Variants in NAPG observed in about 807,000 individuals in gnomAD.
NAPG encodes the protein gamma-soluble NSF attachment protein.
Under a neutral mutation model 48.4 loss-of-function variants are expected in NAPG, and 25 were observed. The ratio of observed to expected loss-of-function variants is 0.52; its 90% CI spans 0.38 to 0.72. The LOEUF is 0.72. Among genes scored for constraint, NAPG ranks in the 30% least tolerant of loss-of-function variants. The pLI, the probability that NAPG is intolerant of heterozygous loss-of-function variation, is 0.00. For missense variants in NAPG, 359 were observed against 372.5 expected (o/e 0.96, Z 0.30); for synonymous variants, 139 against 127.2 (o/e 1.09, Z -0.62).
In NAPG at chr18:10,543,529, A is replaced by T. The variant is rs1793943731; in HGVS notation, c.507-2797A>T. ...TGACACATAAACTAAACATTTCTGT[A>T]GGTAGTTAAAAATAGGTTTTGGAGT... On this transcript the variant is annotated intron_variant, in intron 8 of 11. Transcript: ENST00000322897. This position sits in a 1 kb window ranked among gnomAD's most constrained non-coding sequence, Gnocchi z 4.4. Among the ~76,000 whole-genome samples, 2 of 152,228 alleles carry T rather than the reference A, an allele frequency of 1.3e-5. No homozygotes were observed.
chr18:10,532,105 C>G (rs758170842), intron 2 of NAPG, among the ~76,000 whole-genome samples: 1 of 152,154 alleles, frequency 6.6e-6, no homozygotes, highest in South Asian at 2.1e-4. Flanking sequence ...GTTATAAGCA[C>G]TCCTGTTTTG....
At position 10,550,012 on chromosome 18, in the gene NAPG, AGCT is replaced by A. The variant is rs2032353590; in HGVS notation, c.796-63_796-61del. 19 of 1,451,626 alleles carry A rather than the reference AGCT, an allele frequency of 1.3e-5. No individual in the cohort carries two copies. In the African/African-American group the frequency reaches 2.5e-4, roughly 19 times the overall value. The allele number at this position is 1,451,626 out of a possible 1,614,324, so 89.9% of individuals were successfully genotyped here. A position where few individuals can be genotyped will look rare whatever the true frequency, so the allele number is the denominator to read the frequency against. On this transcript the variant is annotated intron_variant, in intron 11 of 11. Transcript: ENST00000322897. ...GGGGAGCCAGGCTGTGTCTTTTTAG[AGCT>A]GAGTAAAACATGTTAGGATTCTAGT...
intron 5 of NAPG, among the ~76,000 whole-genome samples, chr18:10,536,094 A>G (rs570893658): frequency 2.0e-5 from 3 of 152,284 alleles, no homozygotes; most frequent in Admixed American, 2.0e-4. Context: ...TTTATATTAC[A>G]ACAGCTGTAC....
chr18:10,550,214 A>C lies in NAPG; in HGVS notation c.933A>C (p.Leu311=). The stretch of plus-strand genomic sequence containing the variant: ...AGGAAGATGAATACTCAGGAGGACT[A>C]TGCTAGTATTTTGCTTGCTGAAAAG... ...DEEEDEYSGG[L]C The change falls in exon 12 of 12, where the codon CTA becomes CTC. Residue 311 remains leucine (L), a synonymous_variant. Coordinates refer to ENST00000322897, the MANE Select transcript of NAPG (RefSeq NM_003826.3). 6.4e-7 allele frequency: 1 copy of C among 1,574,394 alleles called. No individual in the cohort carries two copies. Among genetic ancestry groups the C allele is most frequent in the South Asian group, 1.2e-5 (1 of 83,820 alleles).
rs1335581709 is a variant in NAPG, at chr18:10,534,546, C to G, written c.258+50C>G. On this transcript the variant is annotated intron_variant, in intron 5 of 11. Coordinates refer to ENST00000322897, the MANE Select transcript of NAPG (RefSeq NM_003826.3). The surrounding 1 kb of genome is among the most constrained non-coding windows in gnomAD (Gnocchi z 5.0). ...TTGTGTAGGTAAAATGAATTAACTACAAGGTGTTAAACAAGAATTTTTGTT... is the reference window on the plus strand; with the variant it reads ...TTGTGTAGGTAAAATGAATTAACTAGAAGGTGTTAAACAAGAATTTTTGTT... 1.3e-6 allele frequency: 2 copies of G among 1,567,434 alleles called. No homozygotes were observed. Among genetic ancestry groups the G allele is most frequent in the Admixed American group, 1.7e-5 (1 of 59,742 alleles).
chr18:10,550,306 C>G lies in NAPG; in HGVS notation c.*86C>G. On this transcript the variant is annotated 3_prime_UTR_variant, in exon 12 of 12. Coordinates refer to ENST00000322897, the MANE Select transcript of NAPG (RefSeq NM_003826.3). The stretch of plus-strand genomic sequence containing the variant: ...GACTTGGGAATAGATTAGGGATATC[C>G]GTACTTCATTACAGTCATGATTTTG... The G allele has an allele frequency of 7.2e-7, 1 of 1,379,906 alleles. No individual in the cohort carries two copies. The highest frequency in any genetic ancestry group is 9.6e-7 in the Non-Finnish European group (1 of 1,041,224). The allele number at this position is 1,379,906 out of a possible 1,614,324, so 85.5% of individuals were successfully genotyped here. A position where few individuals can be genotyped will look rare whatever the true frequency, so the allele number is the denominator to read the frequency against.
chr18:10,537,588 C>A (rs1401697261), intron 5 of NAPG, among the ~76,000 whole-genome samples: 1 of 152,058 alleles, frequency 6.6e-6, no homozygotes, highest in Non-Finnish European at 1.5e-5. Flanking sequence ...CTCTGCTGTT[C>A]AAGGTTCAGT....
intron 8 of NAPG, 71 bp downstream of exon 8, chr18:10,540,470 T>C: frequency 3.8e-6 from 5 of 1,313,046 alleles, no homozygotes; most frequent in Non-Finnish European, 5.4e-6. Flanking sequence ...GGAAAGTAAT[T>C]TGGGGGATAG....
intron 5 of NAPG, among the ~76,000 whole-genome samples, chr18:10,537,139 G>C (rs966463292): frequency 1.3e-5 from 2 of 151,672 alleles, no homozygotes; most frequent in African/African-American, 4.8e-5. Flanking sequence ...TAATTTTTTT[G>C]GTAGAGACTG....
intron 11 of NAPG, 113 bp downstream of exon 11, chr18:10,549,209 TTCTCAAGCTACTACTC>T: frequency 7.9e-7 from 1 of 1,260,842 alleles, no homozygotes; most frequent in Admixed American, 2.3e-5. Flanking sequence ...TCTTTTTTTC[TTCTCAAGCTACTACTC>T]ATAAGGAAAC....
rs2032386321 is a variant in NAPG, at chr18:10,551,234, G to GATAT, written c.*1014_*1015insATAT. The GATAT allele has an allele frequency of 6.6e-6, 1 of 151,936 alleles. No individual in the cohort carries two copies. The highest frequency in any genetic ancestry group is 1.9e-4 in the East Asian group (1 of 5,190). 9.4% of individuals were successfully genotyped at this position (151,936 alleles called of 1,614,324 possible). A position where few individuals can be genotyped will look rare whatever the true frequency, so the allele number is the denominator to read the frequency against. On this transcript the variant is annotated 3_prime_UTR_variant, in exon 12 of 12. Transcript: ENST00000322897. ...TTGTAGACATAAGCCACCTCACCCA[G>GATAT]CCTATGAATATCTTTCTAACATTGT...
intron 5 of NAPG, among the ~76,000 whole-genome samples, chr18:10,536,166 A>G (rs1318509563): frequency 6.6e-6 from 1 of 152,238 alleles, no homozygotes; most frequent in African/African-American, 2.4e-5. Flanking sequence ...TCAAGTATCT[A>G]TTTAATTTGA....
Position 10,552,121 on chromosome 18 carries a change from T to A in NAPG, c.*1901T>A, listed in dbSNP as rs1159026781. 6.6e-6 allele frequency: 1 copy of A among 152,246 alleles called. No individual in the cohort carries two copies. The highest frequency in any genetic ancestry group is 1.5e-5 in the Non-Finnish European group (1 of 68,046). 9.4% of individuals were successfully genotyped at this position (152,246 alleles called of 1,614,324 possible). A position where few individuals can be genotyped will look rare whatever the true frequency, so the allele number is the denominator to read the frequency against. Reference sequence around the variant, plus strand: ...ATACTGTAGACTATTTATGTATAGATAGATCATATTACCCATTAAAGTCTG... The same window carrying A: ...ATACTGTAGACTATTTATGTATAGAAAGATCATATTACCCATTAAAGTCTG... On this transcript the variant is annotated 3_prime_UTR_variant, in exon 12 of 12. Transcript: ENST00000322897.
At chr18:10,527,997 C>G (rs1417193628) in intron 1 of NAPG, among the ~76,000 whole-genome samples, 3 of 152,036 alleles carry the variant, frequency 2.0e-5, no homozygotes, top group Non-Finnish European at 4.4e-5. Flanking sequence ...ACCAGCCTGG[C>G]CAACATGGTG....
chr18:10,540,630 T>C (rs549941979), intron 8 of NAPG: 1 of 374,562 alleles, frequency 2.7e-6, no homozygotes, highest in South Asian at 8.8e-5. Context: ...CACTGTGCTT[T>C]TATTGGTTGA....
chr18:10,536,294 T>C (rs1216734790), intron 5 of NAPG, among the ~76,000 whole-genome samples: 3 of 152,214 alleles, frequency 2.0e-5, no homozygotes, highest in Non-Finnish European at 4.4e-5. Flanking sequence ...TTGGACACTG[T>C]TGGGAGCACA....
intron 7 of NAPG, 26 bp downstream of exon 7, chr18:10,540,080 T>G: frequency 6.7e-7 from 1 of 1,501,810 alleles, no homozygotes. Flanking sequence ...ATTTTTTTCT[T>G]TAATTACTTA....
Position 10,539,644 on chromosome 18 carries a change from C to T in NAPG, c.259-118C>T, listed in dbSNP as rs1598411019. On this transcript the variant is annotated intron_variant, in intron 5 of 11. Transcript: ENST00000322897. The surrounding 1 kb of genome is among the most constrained non-coding windows in gnomAD (Gnocchi z 4.7). ...TGTATACCTATGTAACAAACCTGCA[C>T]ATTCTGCACATGTGTCCCAGAACTT... 2.5e-6 allele frequency: 2 copies of T among 809,338 alleles called. No homozygotes were observed. Among genetic ancestry groups the T allele is most frequent in the South Asian group, 1.7e-5 (1 of 59,636 alleles). The allele number at this position is 809,338 out of a possible 1,614,324, so 50.1% of individuals were successfully genotyped here.
intron 9 of NAPG, among the ~76,000 whole-genome samples, chr18:10,547,116 A>G (rs1311697641): frequency 6.6e-6 from 1 of 152,206 alleles, no homozygotes; most frequent in Non-Finnish European, 1.5e-5. Context: ...GTGCAGCGCA[A>G]AGCTTGGAGA....
Sources: allele counts gnomAD v4.1 joint callset (sites outside exome capture counted in the v4.1 genomes callset), GRCh38; gene constraint gnomAD v4.1.1; non-coding constraint Gnocchi (gnomAD v3.1); transcripts MANE v1.5; gene names NCBI Gene and HGNC (gene_info 2026-07-23, HGNC 2026-07-21).